The following SRPK2 variants were observed in gnomAD, a reference collection of about 807,000 sequenced individuals.
SRPK2 encodes SRSF protein kinase 2.
Under a neutral mutation model 90.8 loss-of-function variants are expected in SRPK2, and 21 were observed. The ratio of observed to expected loss-of-function variants is 0.23; its 90% CI spans 0.16 to 0.33. The LOEUF (loss-of-function observed/expected upper bound fraction) is 0.33. Ranked by LOEUF, SRPK2 falls within the 10% of genes least tolerant of loss-of-function variation. The pLI is 1.00. For synonymous variants in SRPK2, 288 were observed against 311.1 expected, an observed-to-expected ratio of 0.93 and a Z score of 0.78; for missense variants, 620 against 869.0, an observed-to-expected ratio of 0.71 and a Z score of 3.60.
chr7:105,287,982 C>A (rs1808395786), intron 2 of SRPK2, among the ~76,000 whole-genome samples: 1 of 152,132 alleles, frequency 6.6e-6, no homozygotes, highest in South Asian at 2.1e-4. Flanking sequence ...ACTGCCATCA[C>A]ACCATTATAA....
intron 2 of SRPK2, among the ~76,000 whole-genome samples, chr7:105,245,600 A>T (rs1801540985): frequency 6.6e-6 from 1 of 152,196 alleles, no homozygotes; most frequent in Admixed American, 6.5e-5. Flanking sequence ...TGACGGAAGC[A>T]TTTGGAGAGG....
intron 6 of SRPK2, among the ~76,000 whole-genome samples, chr7:105,161,687 T>C (rs56966676): frequency 0.011 from 1,729 of 152,290 alleles, 28 homozygotes; most frequent in African/African-American, 0.04. Flanking sequence ...ATCTCAAGTG[T>C]CCTAACTGCC....
intron 2 of SRPK2, among the ~76,000 whole-genome samples, chr7:105,358,202 C>G (rs1238552225): frequency 1.8e-5 from 2 of 109,536 alleles, no homozygotes; most frequent in East Asian, 5.9e-4. Context: ...CCAGCCTGGG[C>G]AACAGAGCGA....
In SRPK2 at chr7:105,300,473, T is replaced by C. The variant is rs1045776949; in HGVS notation, c.71+88175A>G. Among the ~76,000 whole-genome samples, 11 of 152,264 alleles carry C rather than the reference T, an allele frequency of 7.2e-5. No homozygotes were observed. In the South Asian group the frequency reaches 8.3e-4, roughly 11 times the overall value. On this transcript the variant is annotated intron_variant, in intron 2 of 15. Coordinates refer to ENST00000393651, the MANE Select transcript of SRPK2 (RefSeq NM_182692.3). ...GCCACAGGAGGAATGTATTGTAATATTTTCATTTGTACTGTAACCATTTTC... is the reference window on the plus strand; with the variant it reads ...GCCACAGGAGGAATGTATTGTAATACTTTCATTTGTACTGTAACCATTTTC...
intron 15 of SRPK2, 148 bp from the exon 16 acceptor site, chr7:105,118,170 A>G (rs1799829497): frequency 1.4e-6 from 1 of 730,744 alleles, no homozygotes; most frequent in African/African-American, 1.8e-5. Flanking sequence ...TTTCCCCACT[A>G]AGCAATAATC....
chr7:105,372,045 G>A (rs1276163330), intron 2 of SRPK2, among the ~76,000 whole-genome samples: 1 of 149,444 alleles, frequency 6.7e-6, no homozygotes, highest in African/African-American at 2.5e-5. Context: ...TGAGGCAGGA[G>A]AATGGCATGA....
Position 105,331,308 on chromosome 7 carries a change from CAAAAAAAAAAAA to C in SRPK2, c.71+57328_71+57339del, listed in dbSNP as rs57653042. Among the ~76,000 whole-genome samples the C allele has an allele frequency of 9.7e-3, 437 of 45,102 alleles. 6 individuals carry two copies. Among genetic ancestry groups the C allele is most frequent in the African/African-American group, 0.046 (403 of 8,854 alleles). 29.6% of individuals were successfully genotyped at this position (45,102 alleles called of 152,430 possible). ...TGGGCGACAGAGCGAGACTCCGTCT[CAAAAAAAAAAAA>C]AAAAAAAAAAAAAAAAACAAATAGT... On this transcript the variant is annotated intron_variant, in intron 2 of 15. Transcript: ENST00000393651.
chr7:105,283,069 G>C (rs1392352867), intron 2 of SRPK2, among the ~76,000 whole-genome samples: 1 of 152,138 alleles, frequency 6.6e-6, no homozygotes, highest in Middle Eastern at 3.2e-3. Flanking sequence ...TCATCACACA[G>C]AAATGCAAAT....
chr7:105,377,678 C>A (rs1422975734), intron 2 of SRPK2, among the ~76,000 whole-genome samples: 1 of 151,948 alleles, frequency 6.6e-6, no homozygotes, highest in Non-Finnish European at 1.5e-5. Flanking sequence ...CCAGCCTGAG[C>A]AACAGAGCAA....
chr7:105,270,752 T>C (rs375134899), intron 2 of SRPK2, among the ~76,000 whole-genome samples: 2 of 152,262 alleles, frequency 1.3e-5, no homozygotes, highest in East Asian at 1.9e-4. Context: ...GAGAAATTAC[T>C]TAAACTCTCT....
chr7:105,122,360 G>A (rs1800508775), intron 15 of SRPK2, among the ~76,000 whole-genome samples: 1 of 152,144 alleles, frequency 6.6e-6, no homozygotes, highest in African/African-American at 2.4e-5. Flanking sequence ...GGAAACATCT[G>A]CCCACACAAA....
chr7:105,369,062 A>G (rs1046318619), intron 2 of SRPK2, among the ~76,000 whole-genome samples: 4 of 151,796 alleles, frequency 2.6e-5, no homozygotes, highest in African/African-American at 9.7e-5. Context: ...TCACCTGCCA[A>G]TTCTCTCAGA....
intron 2 of SRPK2, among the ~76,000 whole-genome samples, chr7:105,212,412 A>T (rs1796967775): frequency 6.6e-6 from 1 of 152,192 alleles, no homozygotes; most frequent in Non-Finnish European, 1.5e-5. Context: ...CAAGTCAGAG[A>T]CATCTAGAGG....
At chr7:105,381,985 T>C (rs1243757091) in intron 2 of SRPK2, among the ~76,000 whole-genome samples, 2 of 151,988 alleles carry the variant, frequency 1.3e-5, no homozygotes, top group African/African-American at 2.4e-5. Flanking sequence ...CTGACCAAGA[T>C]GGTGAAACCC....
upstream of SRPK2, chr7:105,389,120 C>T (rs533315415): frequency 9.9e-4 from 984 of 989,440 alleles, 7 homozygotes; most frequent in African/African-American, 0.016. Context: ...CGGCCTCCCC[C>T]ACCCCAGCCC....
intron 3 of SRPK2, among the ~76,000 whole-genome samples, chr7:105,170,745 GAGGAAGGA>G (rs534732760): frequency 1.5e-3 from 70 of 45,602 alleles, no homozygotes; most frequent in Middle Eastern, 0.014. Flanking sequence ...GGAAGAAAGG[GAGGAAGGA>G]AGGAAGGAAG....
intron 2 of SRPK2, among the ~76,000 whole-genome samples, chr7:105,342,439 G>A (rs139253637): frequency 2.0e-4 from 30 of 152,076 alleles, no homozygotes; most frequent in Admixed American, 1.3e-4. Flanking sequence ...GCTTATTAGC[G>A]TTAAAATTAC....
chr7:105,178,381 T>C (rs1443746734), intron 3 of SRPK2, among the ~76,000 whole-genome samples: 1 of 152,206 alleles, frequency 6.6e-6, no homozygotes, highest in Non-Finnish European at 1.5e-5. Context: ...GCCATTGTTA[T>C]TTAAGAACTC....
chr7:105,269,375 T>C (rs895846625), intron 2 of SRPK2, among the ~76,000 whole-genome samples: 1 of 152,228 alleles, frequency 6.6e-6, no homozygotes, highest in Non-Finnish European at 1.5e-5. Flanking sequence ...CCCCGATGTA[T>C]AGATTTCAAA....
Sources: allele counts gnomAD v4.1 joint callset (sites outside exome capture counted in the v4.1 genomes callset), GRCh38; gene constraint gnomAD v4.1.1; transcripts MANE v1.5; gene names NCBI Gene and HGNC (gene_info 2026-07-23, HGNC 2026-07-21).